The following SLC23A2 variants were observed in gnomAD, a reference collection of about 807,000 sequenced individuals.
SLC23A2 encodes the protein solute carrier family 23 member 2.
A neutral mutation model predicts 73.3 loss-of-function variants in SLC23A2; 36 were observed. The ratio of observed to expected loss-of-function variants is 0.49; its 90% confidence interval spans 0.38 to 0.65. The LOEUF is 0.65. Ranked by LOEUF, SLC23A2 falls within the 30% of genes least tolerant of loss-of-function variation. SLC23A2 has a pLI of 0.00. For missense variants in SLC23A2, 507 were observed against 841.6 expected (o/e 0.60, Z 4.92); for synonymous variants, 343 against 327.3 (o/e 1.05, Z -0.52).
chr20:4,913,072 C>G, intron 3 of SLC23A2, 94 bp from the exon 4 acceptor site: 1 of 813,582 alleles, frequency 1.2e-6, no homozygotes, highest in Non-Finnish European at 2.1e-6. Context: ...AGTGCATGAC[C>G]AGGCATGGTT....
Position 4,902,900 on chromosome 20 carries a change from C to G in SLC23A2, c.208-342G>C, listed in dbSNP as rs147513212. Among the ~76,000 whole-genome samples, 5 of 151,970 alleles carry G rather than the reference C, an allele frequency of 3.3e-5. No individual in the cohort carries two copies. Among genetic ancestry groups the G allele is most frequent in the South Asian group, 4.2e-4 (2 of 4,812 alleles). ...GAGACCACAAAATGATACCTTGGCA[C>G]GAGCAGTCCTTGCGTGAGACCCCAG... On this transcript the variant is annotated intron_variant, in intron 4 of 16. Coordinates refer to ENST00000338244, the MANE Select transcript of SLC23A2 (RefSeq NM_005116.6). The surrounding 1 kb of genome is among the most constrained non-coding windows in gnomAD (Gnocchi z 4.0).
At chr20:4,884,711 G>A (rs762149965) in intron 8 of SLC23A2, 42 bp downstream of exon 8, 3 of 1,392,602 alleles carry the variant, frequency 2.2e-6, no homozygotes, top group African/African-American at 2.8e-5. Context: ...AAGCTGAGAA[G>A]AAACATGAAG....
At chr20:4,986,647 CAT>C (rs1305475183) in intron 1 of SLC23A2, among the ~76,000 whole-genome samples, 8 of 68,546 alleles carry the variant, frequency 1.2e-4, no homozygotes, top group Non-Finnish European at 2.1e-4. Context: ...TACATACACA[CAT>C]ACACACACAC....
At chr20:4,994,709 C>T (rs563727065) in intron 1 of SLC23A2, among the ~76,000 whole-genome samples, 2 of 151,542 alleles carry the variant, frequency 1.3e-5, no homozygotes, top group African/African-American at 2.4e-5. Flanking sequence ...TTCAGTGAGC[C>T]GATATCGCAC....
chr20:4,938,334 CTTTTT>C (rs752802054), intron 2 of SLC23A2, among the ~76,000 whole-genome samples: 1 of 124,904 alleles, frequency 8.0e-6, no homozygotes, highest in Non-Finnish European at 1.7e-5. Context: ...CTCATTCCAT[CTTTTT>C]TTTTTTTTTT....
At chr20:4,941,091 G>C (rs1397836094) in intron 2 of SLC23A2, among the ~76,000 whole-genome samples, 5 of 152,062 alleles carry the variant, frequency 3.3e-5, no homozygotes, top group Non-Finnish European at 7.4e-5. Flanking sequence ...AGGAGGCGGA[G>C]GTTGCAGTAA....
intron 1 of SLC23A2, among the ~76,000 whole-genome samples, chr20:5,007,889 A>G (rs1256283790): frequency 6.6e-6 from 1 of 152,058 alleles, no homozygotes; most frequent in African/African-American, 2.4e-5. Flanking sequence ...TCATTGTGAT[A>G]AAATATATGT....
intron 2 of SLC23A2, among the ~76,000 whole-genome samples, chr20:4,964,377 T>TTA (rs1479439787): frequency 1.3e-5 from 2 of 152,192 alleles, no homozygotes; most frequent in African/African-American, 4.8e-5. Flanking sequence ...AATTTTACTC[T>TTA]TAAGGAATTT....
At chr20:4,906,834 TA>T (rs1931974811) in intron 4 of SLC23A2, among the ~76,000 whole-genome samples, 1 of 152,236 alleles carries the variant, frequency 6.6e-6, no homozygotes, top group African/African-American at 2.4e-5. Flanking sequence ...AAGAGATTAA[TA>T]TTTTTTTTAA....
In SLC23A2 at chr20:4,899,529, A is replaced by T; in HGVS notation, c.482+26T>A. 2 of 1,612,144 alleles carry T rather than the reference A, an allele frequency of 1.2e-6. No homozygotes were observed. Among genetic ancestry groups the T allele is most frequent in the Non-Finnish European group, 1.7e-6 (2 of 1,178,698 alleles). The stretch of plus-strand genomic sequence containing the variant: ...CTCAATGCCTTCTGGGGGCTTTGGC[A>T]TCCCCCATTAGTACCCCAATCTCAC... On this transcript the variant is annotated intron_variant, in intron 6 of 16. Coordinates refer to ENST00000338244, the MANE Select transcript of SLC23A2 (RefSeq NM_005116.6). This position sits in a 1 kb window ranked among gnomAD's most constrained non-coding sequence, Gnocchi z 4.9.
chr20:4,958,466 T>C (rs2087327133), intron 2 of SLC23A2, among the ~76,000 whole-genome samples: 1 of 152,244 alleles, frequency 6.6e-6, no homozygotes, highest in Non-Finnish European at 1.5e-5. Flanking sequence ...AGAAATAAAA[T>C]AGTCCAACTA....
At chr20:5,006,355 C>T (rs2122402351), upstream of SLC23A2, among the ~76,000 whole-genome samples, 1 of 151,868 alleles carries the variant, frequency 6.6e-6, no homozygotes, top group South Asian at 2.1e-4. Context: ...CCTCCGCCTC[C>T]CAAAGTGCTA....
chr20:4,960,946 T>C (rs1332778596), intron 2 of SLC23A2, among the ~76,000 whole-genome samples: 5 of 152,148 alleles, frequency 3.3e-5, no homozygotes, highest in Admixed American at 2.0e-4. Context: ...AGACTATCTA[T>C]CTTTAAAAGG....
chr20:4,963,288 C>G (rs995068973), intron 2 of SLC23A2, among the ~76,000 whole-genome samples: 1 of 152,120 alleles, frequency 6.6e-6, no homozygotes, highest in African/African-American at 2.4e-5. Flanking sequence ...CAGGGATCCA[C>G]GTTTTCTGGG....
chr20:4,919,487 C>A (rs1041754356), intron 3 of SLC23A2, among the ~76,000 whole-genome samples: 14 of 152,210 alleles, frequency 9.2e-5, no homozygotes, highest in African/African-American at 3.4e-4. Context: ...TTACCTCTCC[C>A]CATGCCGGCC....
At chr20:4,898,359 A>G (rs1301586849) in intron 6 of SLC23A2, among the ~76,000 whole-genome samples, 1 of 152,198 alleles carries the variant, frequency 6.6e-6, no homozygotes, top group Non-Finnish European at 1.5e-5. Flanking sequence ...ACACCTGCAC[A>G]TGGCTCACCG....
At chr20:4,975,954 C>T (rs138430286) in intron 1 of SLC23A2, among the ~76,000 whole-genome samples, 1,700 of 148,962 alleles carry the variant, frequency 0.011, 28 homozygotes, top group East Asian at 0.049. Context: ...CCCGGGTTCA[C>T]GCCTTTCTCC....
At chr20:4,933,443 G>A (rs986776215) in intron 2 of SLC23A2, among the ~76,000 whole-genome samples, 10 of 147,800 alleles carry the variant, frequency 6.8e-5, no homozygotes, top group African/African-American at 7.6e-5. Flanking sequence ...GTGAAACCCC[G>A]TCTCTACTAA....
At chr20:4,958,101 C>G (rs2087321804) in intron 2 of SLC23A2, among the ~76,000 whole-genome samples, 1 of 152,170 alleles carries the variant, frequency 6.6e-6, no homozygotes, top group Non-Finnish European at 1.5e-5. Flanking sequence ...ACTGTCTGCA[C>G]CCTTCCAGCT....
Sources: gnomAD v4.1 joint callset for allele counts (sites outside exome capture counted in the v4.1 genomes callset) on GRCh38, gnomAD v4.1.1 for gene constraint, Gnocchi (gnomAD v3.1) non-coding constraint, MANE v1.5 for transcripts, NCBI Gene and HGNC (gene_info 2026-07-23, HGNC 2026-07-21) for gene names.